Variants in LMO4 observed in about 807,000 individuals in gnomAD.
LMO4 encodes the protein LIM domain only 4, also known as LIM domain transcription factor LMO4.
A neutral mutation model predicts 18.5 loss-of-function variants in LMO4; 3 were observed. The observed-to-expected ratio is 0.16, with a 90% CI of 0.07 to 0.42. LMO4 has a LOEUF of 0.42. Ranked by LOEUF, LMO4 falls within the 10% of genes least tolerant of loss-of-function variation. The probability of loss-of-function intolerance (pLI) is 0.99; values close to 1 mark genes in which losing one functional copy is unlikely to be tolerated. For missense variants in LMO4, 121 were observed against 219.9 expected, an observed-to-expected ratio of 0.55 and a Z score of 2.84; for synonymous variants, 100 against 88.1, an observed-to-expected ratio of 1.14 and a Z score of -0.76.
Position 87,333,942 on chromosome 1 carries a change from C to T in LMO4, c.236+1691C>T, listed in dbSNP as rs190362935. Among the ~76,000 whole-genome samples the T allele has an allele frequency of 3.1e-3, 337 of 109,972 alleles. 2 individuals are homozygous for T. The highest frequency in any genetic ancestry group is 4.3e-3 in the Non-Finnish European group (219 of 51,466). The allele number at this position is 109,972 out of a possible 152,430, so 72.1% of individuals were successfully genotyped here. On this transcript the variant is annotated intron_variant, in intron 2 of 4. Coordinates refer to ENST00000370544, the MANE Select transcript of LMO4 (RefSeq NM_006769.4). ...GATTCATCTCTTCTCCGAGTGCCTT[C>T]AAAAAAAAAAAAACAAAAAACAAAA... is the stretch of plus-strand genomic sequence containing the variant.
intron 1 of LMO4, 113 bp from the exon 2 acceptor site, chr1:87,331,900 C>T (rs1650164801): frequency 2.3e-6 from 2 of 871,200 alleles, no homozygotes; most frequent in Non-Finnish European, 3.6e-6. Context: ...TGTTTCCTTC[C>T]AGCAGCTCCG....
chr1:87,331,904 A>C (rs976533187), intron 1 of LMO4, 109 bp from the exon 2 acceptor site: 1 of 888,096 alleles, frequency 1.1e-6, no homozygotes, highest in Non-Finnish European at 1.8e-6. Flanking sequence ...TCCTTCCAGC[A>C]GCTCCGCGGG....
chr1:87,343,171 C>G (rs1194613854), intron 4 of LMO4, among the ~76,000 whole-genome samples: 1 of 152,118 alleles, frequency 6.6e-6, no homozygotes, highest in Non-Finnish European at 1.5e-5. Context: ...ATTGTCTGGT[C>G]CCTTTAAACT....
chr1:87,343,320 A>C (rs892520878), intron 4 of LMO4, among the ~76,000 whole-genome samples: 1 of 152,206 alleles, frequency 6.6e-6, no homozygotes, highest in South Asian at 2.1e-4. Flanking sequence ...TTTCAGATGG[A>C]CTGAAATCTC....
At chr1:87,329,774 C>T (rs1164429834) in intron 1 of LMO4, among the ~76,000 whole-genome samples, 1 of 152,100 alleles carries the variant, frequency 6.6e-6, no homozygotes, top group Non-Finnish European at 1.5e-5. Flanking sequence ...GGTGAATCAC[C>T]TAATTAAAAT....
At chr1:87,330,022 T>C (rs1027917038) in intron 1 of LMO4, among the ~76,000 whole-genome samples, 9 of 148,656 alleles carry the variant, frequency 6.1e-5, no homozygotes, top group South Asian at 4.2e-4. Flanking sequence ...TTTTTTTTTT[T>C]CCAACTCTAA....
chr1:87,331,996 C>T lies in LMO4; in HGVS notation c.-3-17C>T, dbSNP rs779472949. 84 of 1,603,382 alleles carry T rather than the reference C, an allele frequency of 5.2e-5. No homozygotes were observed. Among genetic ancestry groups the T allele is most frequent in the Non-Finnish European group, 6.4e-5 (75 of 1,174,054 alleles). ...TGTTTTGTCTTTCTCTCCCTGTCCC[C>T]TTCCCGCCCTCTGCAGACCATGGTG... On this transcript the variant is annotated splice_polypyrimidine_tract_variant and intron_variant, in intron 1 of 4. Coordinates refer to ENST00000370544, the MANE Select transcript of LMO4 (RefSeq NM_006769.4).
In LMO4 at chr1:87,346,601, G is replaced by C. The variant is rs1299493113; in HGVS notation, c.*1805G>C. 6.6e-6 allele frequency: 1 copy of C among 152,070 alleles called. No individual in the cohort carries two copies. The highest frequency in any genetic ancestry group is 2.4e-5 in the African/African-American group (1 of 41,330). 9.4% of individuals were successfully genotyped at this position (152,070 alleles called of 1,614,324 possible). A position where few individuals can be genotyped will look rare whatever the true frequency, so the allele number is the denominator to read the frequency against. On this transcript the variant is annotated 3_prime_UTR_variant, in exon 5 of 5. Transcript: ENST00000370544. ...CTCAGCACATCTCAACTACCAGTCA[G>C]CTTCCCTTTGAGAACTTCTGTGCTC...
chr1:87,334,584 C>T (rs529851330), intron 2 of LMO4, among the ~76,000 whole-genome samples: 2 of 152,354 alleles, frequency 1.3e-5, no homozygotes, highest in East Asian at 3.9e-4. Context: ...CTTGGTCCGA[C>T]TGAGACCACA....
At chr1:87,335,647 A>G (rs1370334485) in intron 2 of LMO4, among the ~76,000 whole-genome samples, 1 of 152,122 alleles carries the variant, frequency 6.6e-6, no homozygotes, top group East Asian at 1.9e-4. Context: ...GGGTGGCGTT[A>G]GGAATGGAGG....
Position 87,340,524 on chromosome 1 carries a change from C to T in LMO4, c.489+322C>T, listed in dbSNP as rs1650447175. ...TATTCCATTTGACAATTTTGAAATT[C>T]AGAAACATGATGTGATAGGTTATTG... On this transcript the variant is annotated intron_variant, in intron 4 of 4. Coordinates refer to ENST00000370544, the MANE Select transcript of LMO4 (RefSeq NM_006769.4). 2.0e-5 allele frequency among the ~76,000 whole-genome samples: 3 copies of T among 152,178 alleles called. No homozygotes were observed. In the South Asian group the frequency reaches 6.2e-4, roughly 32 times the overall value.
chr1:87,340,549 G>C (rs887037812), intron 4 of LMO4, among the ~76,000 whole-genome samples: 13 of 151,520 alleles, frequency 8.6e-5, no homozygotes, highest in Admixed American at 4.6e-4. Context: ...ATAGGTTATT[G>C]TGGAAGAAAA....
rs1024609654 is a variant in LMO4 at position 87,339,647 on chromosome 1, T to C, written c.333+15T>C. On this transcript the variant is annotated intron_variant, in intron 3 of 4. Transcript: ENST00000370544. ...ATCATCTTAAGGTAGTATTTGCATCTCTCTTTTTTTTTTAAAAAAAAAATC... is the reference window on the plus strand; with the variant it reads ...ATCATCTTAAGGTAGTATTTGCATCCCTCTTTTTTTTTTAAAAAAAAAATC... 2 of 1,518,350 alleles carry C rather than the reference T, an allele frequency of 1.3e-6. No individual in the cohort carries two copies. The highest frequency in any genetic ancestry group is 1.8e-6 in the Non-Finnish European group (2 of 1,102,880). The allele number at this position is 1,518,350 out of a possible 1,614,324, so 94.1% of individuals were successfully genotyped here.
At chr1:87,342,913 A>G (rs1182610092) in intron 4 of LMO4, among the ~76,000 whole-genome samples, 3 of 152,156 alleles carry the variant, frequency 2.0e-5, no homozygotes, top group Non-Finnish European at 2.9e-5. Flanking sequence ...TCTGGAGGCA[A>G]TGAGATGGGG....
At chr1:87,341,043 C>G (rs1650459696) in intron 4 of LMO4, among the ~76,000 whole-genome samples, 1 of 152,168 alleles carries the variant, frequency 6.6e-6, no homozygotes. Flanking sequence ...CAAGTGAGTG[C>G]ATTTTGATAA....
At chr1:87,337,144 C>A (rs181866895) in intron 2 of LMO4, among the ~76,000 whole-genome samples, 1 of 152,308 alleles carries the variant, frequency 6.6e-6, no homozygotes, top group South Asian at 2.1e-4. Flanking sequence ...TCCATTGATA[C>A]GTTGTTCAAT....
In LMO4 at chr1:87,348,830, A is replaced by G; in HGVS notation, c.*4034A>G. 3 of 480,756 alleles carry G rather than the reference A, an allele frequency of 6.2e-6. No homozygotes were observed. The highest frequency in any genetic ancestry group is 4.5e-5 in the South Asian group (3 of 66,776). 29.8% of individuals were successfully genotyped at this position (480,756 alleles called of 1,614,324 possible). On this transcript the variant is annotated 3_prime_UTR_variant, in exon 5 of 5. Coordinates refer to ENST00000370544, the MANE Select transcript of LMO4 (RefSeq NM_006769.4). Reference sequence around the variant, plus strand: ...ACGGCAACTCGGAGGCCTCAAGCCAATAATGTACTACAGGCCCTGACATGT... The same window carrying G: ...ACGGCAACTCGGAGGCCTCAAGCCAGTAATGTACTACAGGCCCTGACATGT...
At position 87,345,049 on chromosome 1, in the gene LMO4, A is replaced by T; in HGVS notation, c.*253A>T. Reference sequence around the variant, plus strand: ...GAGAAAATGAAAAAAGATCCACCAGAGGACATCTTGGGGAGGGGGAGGGAG... The same window carrying T: ...GAGAAAATGAAAAAAGATCCACCAGTGGACATCTTGGGGAGGGGGAGGGAG... On this transcript the variant is annotated 3_prime_UTR_variant, in exon 5 of 5. Coordinates refer to ENST00000370544, the MANE Select transcript of LMO4 (RefSeq NM_006769.4). 6.2e-6 allele frequency: 1 copy of T among 161,090 alleles called. No individual in the cohort carries two copies. Among genetic ancestry groups the T allele is most frequent in the Non-Finnish European group, 1.3e-5 (1 of 77,524 alleles). The allele number at this position is 161,090 out of a possible 1,614,324, so 10.0% of individuals were successfully genotyped here.
chr1:87,344,291 T>C (rs553955858), intron 4 of LMO4, among the ~76,000 whole-genome samples: 1 of 152,208 alleles, frequency 6.6e-6, no homozygotes, highest in Non-Finnish European at 1.5e-5. Flanking sequence ...ATATGTATTA[T>C]GTAATTATCA....
Sources: gnomAD v4.1 joint callset for allele counts (sites outside exome capture counted in the v4.1 genomes callset) on GRCh38, gnomAD v4.1.1 for gene constraint, MANE v1.5 for transcripts, NCBI Gene and HGNC (gene_info 2026-07-23, HGNC 2026-07-21) for gene names.